The following FAM53A variants were observed in gnomAD, a reference collection of about 807,000 sequenced individuals.
FAM53A encodes the protein protein FAM53A.
A neutral mutation model predicts 26.6 loss-of-function variants in FAM53A; 28 were observed. That is an observed-to-expected ratio of 1.05 (90% CI 0.78 to 1.45). The LOEUF is 1.45. Among genes scored for constraint, FAM53A ranks in the 40% most tolerant of loss-of-function variants. The pLI, the probability that FAM53A is intolerant of heterozygous loss-of-function variation, is 0.00. For synonymous variants in FAM53A, 290 were observed against 253.1 expected, an observed-to-expected ratio of 1.15 and a Z score of -1.38; for missense variants, 650 against 575.8, an observed-to-expected ratio of 1.13 and a Z score of -1.32.
Position 1,630,754 on chromosome 4 carries a change from C to A in FAM53A, c.432-12643G>T, listed in dbSNP as rs1332286769. ...CGGAGGGGAGGCTGCCAGGGCAGGG[C>A]AGGGTGGGGAGCGCCCACTCGTGGG... On this transcript the variant is annotated intron_variant, in intron 1 of 1. Coordinates refer to the FAM53A transcript ENST00000489029. The surrounding 1 kb of genome is among the most constrained non-coding windows in gnomAD (Gnocchi z 4.3). 1.3e-5 allele frequency among the ~76,000 whole-genome samples: 2 copies of A among 151,814 alleles called. No homozygotes were observed. The highest frequency in any genetic ancestry group is 2.9e-5 in the Non-Finnish European group (2 of 67,964).
At chr4:1,581,743 C>T in the FAM53A span, among the ~76,000 whole-genome samples, 4 of 152,106 alleles carry the variant, frequency 2.6e-5, no homozygotes, top group African/African-American at 7.2e-5. Flanking sequence ...TACAGGCACC[C>T]GCCACCATAC....
chr4:1,591,515 G>A, the FAM53A span, among the ~76,000 whole-genome samples: 1 of 152,132 alleles, frequency 6.6e-6, no homozygotes, highest in African/African-American at 2.4e-5. Flanking sequence ...GCCAGGATGG[G>A]GTGGCAGTCA....
intron 1 of FAM53A, among the ~76,000 whole-genome samples, chr4:1,623,840 G>A (rs2108751228): frequency 6.6e-6 from 1 of 152,304 alleles, no homozygotes; most frequent in Non-Finnish European, 1.5e-5. Flanking sequence ...ATTAATTGGG[G>A]AGGAGAAAAA....
chr4:1,615,021 T>A (rs983806984), downstream of FAM53A, among the ~76,000 whole-genome samples: 1 of 152,172 alleles, frequency 6.6e-6, no homozygotes, highest in Non-Finnish European at 1.5e-5. Context: ...CATTTACAGA[T>A]GAGCAGAGAC....
downstream of FAM53A, among the ~76,000 whole-genome samples, chr4:1,615,332 C>CA (rs1560100397): frequency 1.4e-5 from 2 of 141,300 alleles, no homozygotes; most frequent in African/African-American, 2.7e-5. Flanking sequence ...TGGGCGCACA[C>CA]TGAAGACAGG....
downstream of FAM53A, among the ~76,000 whole-genome samples, chr4:1,613,053 G>A (rs1256251093): frequency 1.3e-5 from 2 of 152,212 alleles, no homozygotes; most frequent in East Asian, 3.9e-4. Context: ...GTCAGCAGAG[G>A]CAGCCTCTGC....
At chr4:1,578,874 A>G in the FAM53A span, among the ~76,000 whole-genome samples, 18 of 31,076 alleles carry the variant, frequency 5.8e-4, no homozygotes, top group African/African-American at 2.6e-3. Flanking sequence ...AGGGGAGAGA[A>G]GAGGGGGAGG....
At chr4:1,593,437 C>A in the FAM53A span, among the ~76,000 whole-genome samples, 1 of 152,188 alleles carries the variant, frequency 6.6e-6, no homozygotes, top group South Asian at 2.1e-4. Flanking sequence ...CAACCCGGCT[C>A]CCCCCTCGGT....
the FAM53A span, among the ~76,000 whole-genome samples, chr4:1,579,898 C>T: frequency 6.6e-6 from 1 of 152,222 alleles, no homozygotes; most frequent in Non-Finnish European, 1.5e-5. Flanking sequence ...CTAACAGCCG[C>T]TCCTGCAGCC....
At chr4:1,626,090 C>T (rs73076092) in intron 1 of FAM53A, among the ~76,000 whole-genome samples, 1,709 of 152,292 alleles carry the variant, frequency 0.011, 34 homozygotes, top group Middle Eastern at 0.037. Context: ...GAGCCCCTGC[C>T]GTCCTTCTGG....
chr4:1,644,547 C>A, intron 4 of FAM53A: 1 of 599,602 alleles, frequency 1.7e-6, no homozygotes, highest in Non-Finnish European at 2.7e-6. Context: ...TGGACTGCGC[C>A]ACCCATCCGC....
At chr4:1,665,813 C>T (rs1453006685) in intron 2 of FAM53A, among the ~76,000 whole-genome samples, 1 of 152,088 alleles carries the variant, frequency 6.6e-6, no homozygotes, top group East Asian at 1.9e-4. Flanking sequence ...AAGTGCTCCA[C>T]AAAGAGATGA....
At chr4:1,589,543 G>C in the FAM53A span, among the ~76,000 whole-genome samples, 2 of 152,020 alleles carry the variant, frequency 1.3e-5, no homozygotes, top group African/African-American at 4.8e-5. Flanking sequence ...AAGATTTTTA[G>C]TGGGGAATTA....
intron 3 of FAM53A, 138 bp downstream of exon 3, chr4:1,657,270 C>G: frequency 1.3e-6 from 1 of 746,994 alleles, no homozygotes; most frequent in Admixed American, 2.5e-5. Flanking sequence ...GACCACCCCA[C>G]GCCCCAGTGC....
the FAM53A span, among the ~76,000 whole-genome samples, chr4:1,581,280 G>GCT: frequency 6.9e-6 from 1 of 144,060 alleles, no homozygotes; most frequent in Non-Finnish European, 1.5e-5. Context: ...CCCCACCTCT[G>GCT]CTCAGGGCCC....
intron 1 of FAM53A, among the ~76,000 whole-genome samples, chr4:1,627,087 GT>G (rs1715340334): frequency 6.6e-6 from 1 of 152,186 alleles, no homozygotes; most frequent in African/African-American, 2.4e-5. Flanking sequence ...GGCCAGGAGG[GT>G]GGGGCTTCGC....
At chr4:1,649,200 A>G (rs181288180) in intron 4 of FAM53A, among the ~76,000 whole-genome samples, 2,128 of 95,648 alleles carry the variant, frequency 0.022, 74 homozygotes, top group African/African-American at 0.062. Flanking sequence ...GGAAGGGGAA[A>G]GGGAAAGGGA....
At chr4:1,675,196 G>A (rs771210931) in intron 1 of FAM53A, among the ~76,000 whole-genome samples, 12 of 152,220 alleles carry the variant, frequency 7.9e-5, no homozygotes, top group South Asian at 2.1e-4. Flanking sequence ...TAGAAGAGAC[G>A]TGGGAAGTGA....
the FAM53A span, among the ~76,000 whole-genome samples, chr4:1,583,796 A>AC: frequency 5.3e-4 from 80 of 152,268 alleles, no homozygotes; most frequent in East Asian, 6.9e-3. Context: ...TTTCCAGGAG[A>AC]CGTCCTCTCC....
Sources: gnomAD v4.1 joint callset for allele counts (sites outside exome capture counted in the v4.1 genomes callset) on GRCh38, gnomAD v4.1.1 for gene constraint, Gnocchi (gnomAD v3.1) non-coding constraint, MANE v1.5 for transcripts, NCBI Gene and HGNC (gene_info 2026-07-23, HGNC 2026-07-21) for gene names.